CPEB1: variants seen among roughly 807,000 people sequenced by gnomAD.
CPEB1 encodes the protein cytoplasmic polyadenylation element binding protein 1, also known as cytoplasmic polyadenylation element-binding protein 1.
In CPEB1, 7 loss-of-function variants were observed where a neutral mutation model predicts 65.8. That is an observed-to-expected ratio of 0.11 (90% CI 0.06 to 0.20). The LOEUF is 0.20. Ranked by LOEUF, CPEB1 falls within the 10% of genes least tolerant of loss-of-function variation. CPEB1 has a pLI of 1.00. For missense variants in CPEB1, 551 were observed against 712.2 expected (o/e 0.77, Z 2.58); for synonymous variants, 262 against 260.0 (o/e 1.01, Z -0.08).
chr15:82,647,651 G>A, upstream of CPEB1: 2 of 363,782 alleles, frequency 5.5e-6, no homozygotes, highest in Non-Finnish European at 9.5e-6. Context: ...AAGGCCCTGA[G>A]TCACGAGGAG....
At chr15:82,558,711 A>G (rs1287222792) in intron 4 of CPEB1, among the ~76,000 whole-genome samples, 1 of 152,198 alleles carries the variant, frequency 6.6e-6, no homozygotes, top group African/African-American at 2.4e-5. Flanking sequence ...TGGAGTATCA[A>G]CTATTTCATG....
chr15:82,571,684 T>G (rs533104462), intron 3 of CPEB1, 152 bp from the exon 4 acceptor site: 1 of 1,439,258 alleles, frequency 6.9e-7, no homozygotes, highest in African/African-American at 1.4e-5. Context: ...CTCTGCACTT[T>G]TGGGGACGCT....
intron 3 of CPEB1, among the ~76,000 whole-genome samples, chr15:82,592,317 G>A (rs2042323449): frequency 6.6e-6 from 1 of 152,100 alleles, no homozygotes; most frequent in Non-Finnish European, 1.5e-5. Flanking sequence ...GCCAGGCATG[G>A]TGGCTCACGC....
intron 1 of CPEB1, chr15:82,638,761 T>C (rs541628849): frequency 6.6e-6 from 1 of 152,388 alleles, no homozygotes; most frequent in South Asian, 2.1e-4. Flanking sequence ...ACTTCTCATT[T>C]GTCACACAGA....
intron 4 of CPEB1, chr15:82,562,394 A>AT (rs923574560): frequency 3.3e-6 from 1 of 305,496 alleles, no homozygotes; most frequent in African/African-American, 2.2e-5. Context: ...CAGAATCTGC[A>AT]TTTTTAAAAG....
intron 3 of CPEB1, chr15:82,572,981 C>T (rs1361276922): frequency 2.8e-6 from 4 of 1,447,894 alleles, no homozygotes; most frequent in Non-Finnish European, 3.6e-6. Flanking sequence ...GGTAGGGCAA[C>T]AGGCCCAGAC....
At chr15:82,573,306 G>C in intron 3 of CPEB1, 1 of 747,802 alleles carries the variant, frequency 1.3e-6, no homozygotes, top group Non-Finnish European at 2.1e-6. Context: ...TAGATATTCT[G>C]CTTGCTCCCT....
At chr15:82,616,724 G>A (rs904638626) in intron 3 of CPEB1, among the ~76,000 whole-genome samples, 5 of 151,958 alleles carry the variant, frequency 3.3e-5, no homozygotes, top group Admixed American at 3.3e-4. Flanking sequence ...TGTATTTTTA[G>A]TAGAGACAGG....
intron 1 of CPEB1, chr15:82,629,385 C>A (rs370765081): frequency 7.1e-6 from 7 of 985,250 alleles, no homozygotes; most frequent in East Asian, 1.1e-4. Context: ...ATTATTAGTA[C>A]ATACAACTTT....
At chr15:82,576,488 A>C (rs2040661194) in intron 3 of CPEB1, among the ~76,000 whole-genome samples, 1 of 152,222 alleles carries the variant, frequency 6.6e-6, no homozygotes, top group Non-Finnish European at 1.5e-5. Context: ...CTAGTTAATG[A>C]TATGTATGGT....
At chr15:82,624,082 T>C (rs117855353) in intron 3 of CPEB1, among the ~76,000 whole-genome samples, 2,701 of 152,264 alleles carry the variant, frequency 0.018, 30 homozygotes, top group Non-Finnish European at 0.026. Context: ...CATAGAAAAA[T>C]ATATATCCTA....
At chr15:82,564,147 G>C (rs2038707825) in intron 4 of CPEB1, among the ~76,000 whole-genome samples, 1 of 152,100 alleles carries the variant, frequency 6.6e-6, no homozygotes, top group African/African-American at 2.4e-5. Context: ...CTCAACATCT[G>C]GCAAAAAGCA....
intron 4 of CPEB1, among the ~76,000 whole-genome samples, chr15:82,570,363 G>A (rs1399683693): frequency 2.6e-5 from 4 of 152,034 alleles, no homozygotes; most frequent in Non-Finnish European, 5.9e-5. Context: ...TACCAACAGC[G>A]AATGGCTGTA....
chr15:82,591,959 T>TCAC (rs1038887008), intron 3 of CPEB1, among the ~76,000 whole-genome samples: 2 of 150,994 alleles, frequency 1.3e-5, no homozygotes, highest in African/African-American at 2.4e-5. Flanking sequence ...TCCTCCCACC[T>TCAC]CACCCTTCTA....
intron 1 of CPEB1, among the ~76,000 whole-genome samples, chr15:82,642,242 G>A (rs1210979084): frequency 6.6e-6 from 1 of 152,168 alleles, no homozygotes; most frequent in African/African-American, 2.4e-5. Context: ...TGCAAAGGAA[G>A]CAAAGTTCAT....
intron 3 of CPEB1, among the ~76,000 whole-genome samples, chr15:82,618,587 A>C (rs1238548008): frequency 1.3e-5 from 2 of 152,176 alleles, no homozygotes; most frequent in African/African-American, 4.8e-5. Flanking sequence ...AGGTTACCTC[A>C]AACAATTTGC....
chr15:82,638,746 T>C (rs572662804), intron 1 of CPEB1: 1 of 152,352 alleles, frequency 6.6e-6, no homozygotes, highest in South Asian at 2.1e-4. Flanking sequence ...AAGTACTTTA[T>C]ACTGACTTCT....
rs866444251 is a variant in CPEB1, at chr15:82,598,330, C to T, written c.272-26798G>A. Among the ~76,000 whole-genome samples, 4 of 151,980 alleles carry T rather than the reference C, an allele frequency of 2.6e-5. No homozygotes were observed. The South Asian group carries it at 8.3e-4, about 32-fold the overall frequency. ...CCAACATGGTGAAACCTCATCTCTA[C>T]TAAAAATACAAAAATTACCCGGGCA... is the stretch of plus-strand genomic sequence containing the variant. On this transcript the variant is annotated intron_variant, in intron 3 of 12. Coordinates refer to ENST00000684509, the MANE Select transcript of CPEB1 (RefSeq NM_001365242.1).
rs758395310 is a variant in CPEB1, at chr15:82,547,919, C to T, written c.1481-682G>A. Reference sequence around the variant, plus strand: ...AACTCCTGGACTCAAACGATCTGCCCCACCTCGGCCTCCCAAAGTGCCAGG... The same window carrying T: ...AACTCCTGGACTCAAACGATCTGCCTCACCTCGGCCTCCCAAAGTGCCAGG... On this transcript the variant is annotated intron_variant, in intron 10 of 12. Transcript: ENST00000684509. 1.3e-3 allele frequency among the ~76,000 whole-genome samples: 202 copies of T among 152,124 alleles called. 2 individuals carry two copies. Among genetic ancestry groups the T allele is most frequent in the Admixed American group, 2.8e-3 (43 of 15,284 alleles).
Sources: gnomAD v4.1 joint callset for allele counts (sites outside exome capture counted in the v4.1 genomes callset) on GRCh38, gnomAD v4.1.1 for gene constraint, MANE v1.5 for transcripts, NCBI Gene and HGNC (gene_info 2026-07-23, HGNC 2026-07-21) for gene names.